Variants in DCAF5 observed in about 807,000 individuals in gnomAD.
The protein encoded by DCAF5 is DDB1 and CUL4 associated factor 5.
Under a neutral mutation model 80.7 loss-of-function variants are expected in DCAF5, and 9 were observed. That is an observed-to-expected ratio of 0.11 (90% CI 0.07 to 0.19). The LOEUF is 0.19. DCAF5 is among the 10% of genes least tolerant of loss of function. The probability of loss-of-function intolerance (pLI) is 1.00; values close to 1 mark genes in which losing one functional copy is unlikely to be tolerated. For missense variants in DCAF5, 842 were observed against 1,205.7 expected (o/e 0.70, Z 4.47); for synonymous variants, 433 against 461.9 (o/e 0.94, Z 0.80).
intron 5 of DCAF5, among the ~76,000 whole-genome samples, chr14:69,113,196 G>A (rs1442756203): frequency 6.6e-6 from 1 of 152,106 alleles, no homozygotes; most frequent in Non-Finnish European, 1.5e-5. Flanking sequence ...AAGCCAGGAA[G>A]GAGAAGGTGT....
intron 1 of DCAF5, among the ~76,000 whole-genome samples, chr14:69,137,083 A>G (rs750819890): frequency 6.6e-6 from 1 of 152,166 alleles, no homozygotes; most frequent in Non-Finnish European, 1.5e-5. Flanking sequence ...TAATTAATAC[A>G]TAATAGTTGT....
chr14:69,131,701 G>T (rs1166471590), intron 1 of DCAF5, among the ~76,000 whole-genome samples: 1 of 150,334 alleles, frequency 6.7e-6, no homozygotes, highest in African/African-American at 2.4e-5. Flanking sequence ...ACAGCACCTA[G>T]CATTCCAAAT....
intron 8 of DCAF5, 44 bp downstream of exon 8, chr14:69,062,340 T>C (rs2038248795): frequency 6.2e-7 from 1 of 1,601,846 alleles, no homozygotes; most frequent in Non-Finnish European, 8.5e-7. Context: ...TAATTATAAA[T>C]TGTGAGAATT....
Position 69,084,171 on chromosome 14 carries a change from T to G in DCAF5, c.879+7503A>C. On this transcript the variant is annotated intron_variant, in intron 6 of 8. Coordinates refer to ENST00000341516, the MANE Select transcript of DCAF5 (RefSeq NM_003861.3). ...CTCTCACCTACTAGAGAACTAGCCA[T>G]GCAAACTTTTGGTGTTCTTAAGGAG... 3 of 916,222 alleles carry G rather than the reference T, an allele frequency of 3.3e-6. No homozygotes were observed. The South Asian group carries it at 3.9e-5, about 12-fold the overall frequency. 56.8% of individuals were successfully genotyped at this position (916,222 alleles called of 1,614,324 possible). A position where few individuals can be genotyped will look rare whatever the true frequency, so the allele number is the denominator to read the frequency against.
intron 6 of DCAF5, among the ~76,000 whole-genome samples, chr14:69,088,714 T>C (rs574549734): frequency 2.6e-5 from 4 of 152,312 alleles, no homozygotes; most frequent in Admixed American, 2.6e-4. Flanking sequence ...TATGACTAAA[T>C]GAAAAGTTCC....
Position 69,118,935 on chromosome 14 carries a change from C to T in DCAF5, c.395+259G>A, listed in dbSNP as rs1335573313. ...CTGTTCTTAAATATTATGGTTCCTT[C>T]TCTTCTAAACTCTTGTTTTAAATTT... On this transcript the variant is annotated intron_variant, in intron 3 of 8. Transcript: ENST00000341516. The surrounding 1 kb of genome is among the most constrained non-coding windows in gnomAD (Gnocchi z 4.0). Among the ~76,000 whole-genome samples the T allele has an allele frequency of 6.6e-6, 1 of 152,188 alleles. No homozygotes were observed. Among genetic ancestry groups the T allele is most frequent in the African/African-American group, 2.4e-5 (1 of 41,440 alleles).
intron 8 of DCAF5, among the ~76,000 whole-genome samples, chr14:69,057,461 G>C (rs1030891735): frequency 2.0e-5 from 3 of 151,746 alleles, no homozygotes; most frequent in Non-Finnish European, 2.9e-5. Flanking sequence ...AAATCTATTT[G>C]TACCTCACAG....
intron 5 of DCAF5, among the ~76,000 whole-genome samples, chr14:69,094,517 C>T (rs1369895001): frequency 6.6e-6 from 1 of 152,222 alleles, no homozygotes; most frequent in Non-Finnish European, 1.5e-5. Context: ...GAGCAGCAGC[C>T]ACCAACACTG....
chr14:69,111,098 A>AT (rs1488653542), intron 5 of DCAF5, among the ~76,000 whole-genome samples: 1 of 152,228 alleles, frequency 6.6e-6, no homozygotes, highest in Non-Finnish European at 1.5e-5. Flanking sequence ...ACATCAGAGC[A>AT]TGAGTGCCTT....
intron 6 of DCAF5, among the ~76,000 whole-genome samples, chr14:69,081,125 T>A (rs1270797746): frequency 6.6e-6 from 1 of 152,156 alleles, no homozygotes; most frequent in Non-Finnish European, 1.5e-5. Flanking sequence ...CAGCCTTTTA[T>A]CTTATACTCT....
intron 8 of DCAF5, among the ~76,000 whole-genome samples, chr14:69,056,421 T>C (rs559884232): frequency 1.3e-5 from 2 of 152,180 alleles, no homozygotes; most frequent in Non-Finnish European, 2.9e-5. Flanking sequence ...AGAGCTAGGA[T>C]TCAAACTCAG....
intron 6 of DCAF5, chr14:69,083,617 C>T: frequency 1.8e-6 from 1 of 543,256 alleles, no homozygotes; most frequent in South Asian, 1.8e-5. Flanking sequence ...AGATGTGTCT[C>T]AAGAAGCAGT....
intron 6 of DCAF5, chr14:69,085,476 G>T: frequency 2.6e-6 from 1 of 380,728 alleles, no homozygotes; most frequent in Non-Finnish European, 5.1e-6. Context: ...GTAGCCTTTA[G>T]AATTTGGACT....
intron 7 of DCAF5, among the ~76,000 whole-genome samples, chr14:69,070,970 GA>G (rs1310628011): frequency 6.6e-6 from 1 of 151,748 alleles, no homozygotes; most frequent in Admixed American, 6.6e-5. Flanking sequence ...GCTAATTTTT[GA>G]ATTTTTAGTA....
At chr14:69,140,756 CCTTT>C (rs886670540) in intron 1 of DCAF5, among the ~76,000 whole-genome samples, 1 of 151,882 alleles carries the variant, frequency 6.6e-6, no homozygotes, top group Non-Finnish European at 1.5e-5. Flanking sequence ...CTTTTTTTTC[CCTTT>C]CTAATAAAAG....
intron 1 of DCAF5, among the ~76,000 whole-genome samples, chr14:69,125,992 A>G (rs535372693): frequency 1.3e-5 from 2 of 152,166 alleles, no homozygotes; most frequent in Non-Finnish European, 2.9e-5. Flanking sequence ...TAAGGTTAAT[A>G]TACAAAAGTC....
intron 6 of DCAF5, among the ~76,000 whole-genome samples, chr14:69,082,335 C>CTATTTTTGCAAGTGAAGTTACAT (rs2039137277): frequency 6.6e-6 from 1 of 152,208 alleles, no homozygotes; most frequent in African/African-American, 2.4e-5. Context: ...AAGATTAACA[C>CTATTTTTGCAAGTGAAGTTACAT]TATTTTTGCA....
chr14:69,074,346 T>C (rs2139896854), intron 7 of DCAF5, among the ~76,000 whole-genome samples: 1 of 151,680 alleles, frequency 6.6e-6, no homozygotes, highest in East Asian at 1.9e-4. Context: ...ATTGAGCACA[T>C]GAAGACACTA....
At chr14:69,098,727 CAAAAAAAAAAA>C (rs35501979) in intron 5 of DCAF5, among the ~76,000 whole-genome samples, 1 of 92,524 alleles carries the variant, frequency 1.1e-5, no homozygotes, top group East Asian at 3.0e-4. Context: ...ACTAAAAATA[CAAAAAAAAAAA>C]AAAAAAAAAA....
Sources: gnomAD v4.1 joint callset for allele counts (sites outside exome capture counted in the v4.1 genomes callset) on GRCh38, gnomAD v4.1.1 for gene constraint, Gnocchi (gnomAD v3.1) non-coding constraint, MANE v1.5 for transcripts, NCBI Gene and HGNC (gene_info 2026-07-23, HGNC 2026-07-21) for gene names.